ADAMTS4: variants seen among roughly 807,000 people sequenced by gnomAD.
ADAMTS4 encodes ADAM metallopeptidase with thrombospondin type 1 motif 4.
Under a neutral mutation model 66.7 loss-of-function variants are expected in ADAMTS4, and 38 were observed. The ratio of observed to expected loss-of-function variants is 0.57; its 90% CI spans 0.44 to 0.75. The LOEUF (loss-of-function observed/expected upper bound fraction) is 0.75. ADAMTS4 is among the 30% of genes least tolerant of loss of function. The pLI is 0.00. For missense variants in ADAMTS4, 1,014 were observed against 1,116.7 expected (o/e 0.91, Z 1.31); for synonymous variants, 418 against 461.5 (o/e 0.91, Z 1.21).
chr1:161,198,274 C>T lies in ADAMTS4; in HGVS notation c.354G>A (p.Leu118=), dbSNP rs1664947274. Residue 118 remains leucine, a synonymous_variant, in exon 1 of 9, where the codon CTG becomes CTA. Coordinates refer to ENST00000367996, the MANE Select transcript of ADAMTS4 (RefSeq NM_005099.6). This position sits in a 1 kb window ranked among gnomAD's most constrained non-coding sequence, Gnocchi z 4.7. ...AGGTGCCAGGCTCTGCTCCACCCAG[C>T]AGCTCAGGCGCCTGGCCCAGGTACT... ...TVQYLGQAPE[L]LGGAEPGTYL... The T allele has an allele frequency of 6.2e-7, 1 of 1,613,906 alleles. No individual in the cohort carries two copies. Among genetic ancestry groups the T allele is most frequent in the Non-Finnish European group, 8.5e-7 (1 of 1,180,020 alleles).
Position 161,187,614 on chromosome 1 carries a change from C to A in ADAMTS4, c.*3524G>T, listed in dbSNP as rs981835372. 3.3e-5 allele frequency: 5 copies of A among 152,298 alleles called. No homozygotes were observed. The highest frequency in any genetic ancestry group is 1.2e-4 in the African/African-American group (5 of 41,414). The allele number at this position is 152,298 out of a possible 1,614,324, so 9.4% of individuals were successfully genotyped here. On this transcript the variant is annotated 3_prime_UTR_variant, in exon 9 of 9. Transcript: ENST00000367996. ...AGAACTTGATTAGCAAAGCCCAGAT[C>A]CAGTAAGCATAGCACATATAACCAC...
rs1318329637 is a variant in ADAMTS4 at position 161,196,689 on chromosome 1, G to A, written c.825C>T (p.Gly275=). 1.9e-6 allele frequency: 3 copies of A among 1,613,980 alleles called. No homozygotes were observed. Among genetic ancestry groups the A allele is most frequent in the Non-Finnish European group, 2.5e-6 (3 of 1,179,986 alleles). Residue 275 remains glycine (G), a synonymous_variant, in exon 2 of 9, where the codon GGC becomes GGT. Transcript: ENST00000367996. ...TGGGCCCCACTTGGGGCCCCTCCTC[G>A]CCTGACCCCAGGATCACTAGCCGAG... ...VVTRLVILGS[G]EEGPQVGPSA... is the part of the protein sequence containing the mutation.
chr1:161,193,113 G>A lies in ADAMTS4; in HGVS notation c.1911+100C>T, dbSNP rs1384143142. On this transcript the variant is annotated intron_variant, in intron 7 of 8. Coordinates refer to ENST00000367996, the MANE Select transcript of ADAMTS4 (RefSeq NM_005099.6). The surrounding 1 kb of genome is among the most constrained non-coding windows in gnomAD (Gnocchi z 4.4). ...CTGGACTGGGCTGGCGTGGCTGTAG[G>A]AACAGGGTTACTTTGGGTGATCTTT... The A allele has an allele frequency of 7.3e-7, 1 of 1,361,402 alleles. No individual in the cohort carries two copies. Among genetic ancestry groups the A allele is most frequent in the South Asian group, 1.4e-5 (1 of 69,586 alleles). The allele number at this position is 1,361,402 out of a possible 1,614,324, so 84.3% of individuals were successfully genotyped here. A position where few individuals can be genotyped will look rare whatever the true frequency, so the allele number is the denominator to read the frequency against.
Position 161,192,170 on chromosome 1 carries a change from C to T in ADAMTS4, c.1982G>A (p.Gly661Asp). The change falls in exon 8 of 9, where the codon GGC becomes GAC. Residue 661 changes from glycine (G) to aspartate (D), a missense_variant. Gly to Asp is a moderately conservative substitution (Grantham distance 94, BLOSUM62 -1). Transcript: ENST00000367996. ...CTTGGAGCCAATGATGCGATCACAG[C>T]CAGCATGGATGCATCGGCCCTGGAC... Reference protein sequence around the residue: ...VCVQGRCIHAGCDRIIGSKKK... With the variant: ...VCVQGRCIHADCDRIIGSKKK... 6.2e-7 allele frequency: 1 copy of T among 1,614,132 alleles called. No homozygotes were observed. Among genetic ancestry groups the T allele is most frequent in the Non-Finnish European group, 8.5e-7 (1 of 1,180,032 alleles).
At position 161,188,908 on chromosome 1, in the gene ADAMTS4, A is replaced by ATATATATATATATATATT. The variant is rs1169469545; in HGVS notation, c.*2229_*2230insAATATATATATATATATA. On this transcript the variant is annotated 3_prime_UTR_variant, in exon 9 of 9. Transcript: ENST00000367996. The stretch of plus-strand genomic sequence containing the variant: ...AATATATATATATATATATATATAT[A>ATATATATATATATATATT]TTTTGTATTTTTAGTAGACACGGGG... 1 of 131,878 alleles carries ATATATATATATATATATT rather than the reference A, an allele frequency of 7.6e-6. No homozygotes were observed. The highest frequency in any genetic ancestry group is 1.6e-5 in the Non-Finnish European group (1 of 62,852). 8.2% of individuals were successfully genotyped at this position (131,878 alleles called of 1,614,324 possible).
chr1:161,198,671 A>G lies in ADAMTS4; in HGVS notation c.-44T>C. 1 of 1,442,708 alleles carries G rather than the reference A, an allele frequency of 6.9e-7. No individual in the cohort carries two copies. Among genetic ancestry groups the G allele is most frequent in the Non-Finnish European group, 9.2e-7 (1 of 1,090,734 alleles). 89.4% of individuals were successfully genotyped at this position (1,442,708 alleles called of 1,614,324 possible). A position where few individuals can be genotyped will look rare whatever the true frequency, so the allele number is the denominator to read the frequency against. Reference sequence around the variant, plus strand: ...GGGAGGGACTGAGGCCGTCTAGGGCACCAAGTCCTCCACACCCTAGCTTTG... The same window carrying G: ...GGGAGGGACTGAGGCCGTCTAGGGCGCCAAGTCCTCCACACCCTAGCTTTG... On this transcript the variant is annotated 5_prime_UTR_variant, in exon 1 of 9. Coordinates refer to ENST00000367996, the MANE Select transcript of ADAMTS4 (RefSeq NM_005099.6). This position sits in a 1 kb window ranked among gnomAD's most constrained non-coding sequence, Gnocchi z 4.7.
In ADAMTS4 at chr1:161,188,231, C is replaced by CTTTTTTTTT. The variant is rs34044235; in HGVS notation, c.*2898_*2906dup. ...CAGGTGTGAGCCACCATGCCTGGCC[C>CTTTTTTTTT]TTTTTTTTTTTTTTTTTTTTTTTTT... On this transcript the variant is annotated 3_prime_UTR_variant, in exon 9 of 9. Transcript: ENST00000367996. 2 of 58,710 alleles carry CTTTTTTTTT rather than the reference C, an allele frequency of 3.4e-5. No individual in the cohort carries two copies. The highest frequency in any genetic ancestry group is 6.3e-5 in the Non-Finnish European group (2 of 31,626). The allele number at this position is 58,710 out of a possible 1,614,324, so 3.6% of individuals were successfully genotyped here.
chr1:161,193,887 T>C lies in ADAMTS4; in HGVS notation c.1548+48A>G. 6.4e-7 allele frequency: 1 copy of C among 1,563,360 alleles called. No homozygotes were observed. Among genetic ancestry groups the C allele is most frequent in the Non-Finnish European group, 8.7e-7 (1 of 1,152,266 alleles). ...AACTCTCTCCTGGGCTTAAGGCCAG[T>C]CCCCACACCCCCGGGCCCTTTACCC... is the stretch of plus-strand genomic sequence containing the variant. On this transcript the variant is annotated intron_variant, in intron 5 of 8. Coordinates refer to ENST00000367996, the MANE Select transcript of ADAMTS4 (RefSeq NM_005099.6). The surrounding 1 kb of genome is among the most constrained non-coding windows in gnomAD (Gnocchi z 4.4).
Position 161,195,158 on chromosome 1 carries a change from C to T in ADAMTS4, c.1261+307G>A, listed in dbSNP as rs563261496. 2.0e-5 allele frequency among the ~76,000 whole-genome samples: 3 copies of T among 152,342 alleles called. No individual in the cohort carries two copies. In the South Asian group the frequency reaches 6.2e-4, roughly 32 times the overall value. On this transcript the variant is annotated intron_variant, in intron 4 of 8. Transcript: ENST00000367996. ...GCAGTCATCCTGCTATTCTTGCATA[C>T]CTCACTGCGTGACAAGGTAATCACC...
chr1:161,196,890 A>C lies in ADAMTS4; in HGVS notation c.634-10T>G. ...TCAGTGAAGCAAAGCGCTGTAGAGA[A>C]AAAGGGAGAGGAAGATCCTGAAATA... On this transcript the variant is annotated splice_polypyrimidine_tract_variant and intron_variant, in intron 1 of 8. Transcript: ENST00000367996. The C allele has an allele frequency of 6.3e-7, 1 of 1,577,974 alleles. No homozygotes were observed. The highest frequency in any genetic ancestry group is 8.6e-7 in the Non-Finnish European group (1 of 1,165,468).
In ADAMTS4 at chr1:161,189,790, C is replaced by T. The variant is rs1305301013; in HGVS notation, c.*1348G>A. On this transcript the variant is annotated 3_prime_UTR_variant, in exon 9 of 9. Coordinates refer to ENST00000367996, the MANE Select transcript of ADAMTS4 (RefSeq NM_005099.6). ...CTTTATTTACATTATTTAATCCTCA[C>T]AACAAACTTCTAAGGGAGGTATTAT... 2 of 152,170 alleles carry T rather than the reference C, an allele frequency of 1.3e-5. No individual in the cohort carries two copies. Among genetic ancestry groups the T allele is most frequent in the South Asian group, 2.1e-4 (1 of 4,832 alleles). 9.4% of individuals were successfully genotyped at this position (152,170 alleles called of 1,614,324 possible).
At position 161,196,681 on chromosome 1, in the gene ADAMTS4, C is replaced by T. The variant is rs1664854477; in HGVS notation, c.833G>A (p.Gly278Glu). 3 of 1,613,834 alleles carry T rather than the reference C, an allele frequency of 1.9e-6. No homozygotes were observed. Among genetic ancestry groups the T allele is most frequent in the Admixed American group, 1.7e-5 (1 of 59,984 alleles). Residue 278 changes from glycine (G) to glutamate (E), a missense_variant, in exon 2 of 9, where the codon GGG (glycine) becomes GAG (glutamate). Gly to Glu is a moderately conservative substitution (Grantham distance 98). Coordinates refer to ENST00000367996, the MANE Select transcript of ADAMTS4 (RefSeq NM_005099.6). ...RLVILGSGEE[G>E]PQVGPSAAQT... Reference sequence around the variant, plus strand: ...GGCAGCACTGGGCCCCACTTGGGGCCCCTCCTCGCCTGACCCCAGGATCAC... The same window carrying T: ...GGCAGCACTGGGCCCCACTTGGGGCTCCTCCTCGCCTGACCCCAGGATCAC...
intron 3 of ADAMTS4, 49 bp downstream of exon 3, chr1:161,196,122 T>A: frequency 4.0e-5 from 52 of 1,314,838 alleles, no homozygotes; most frequent in Non-Finnish European, 4.9e-5. Flanking sequence ...TGCTACCCCC[T>A]CCCCCACCTT....
At position 161,193,209 on chromosome 1, in the gene ADAMTS4, T is replaced by C; in HGVS notation, c.1911+4A>G. On this transcript the variant is annotated splice_donor_region_variant and intron_variant, in intron 7 of 8. Transcript: ENST00000367996. The surrounding 1 kb of genome is among the most constrained non-coding windows in gnomAD (Gnocchi z 4.4). ...ACAGGGCCTGGGGGTGTCCTGACCC[T>C]CACCCGTGGCTCCAGCACATAGTAG... 6.2e-7 allele frequency: 1 copy of C among 1,611,336 alleles called. No homozygotes were observed. The highest frequency in any genetic ancestry group is 8.5e-7 in the Non-Finnish European group (1 of 1,178,546).
At position 161,192,098 on chromosome 1, in the gene ADAMTS4, C is replaced by A; in HGVS notation, c.2054G>T (p.Cys685Phe). ...CCTGAAGGAGCCTGACTGCTTGCTGCAACCAGAACCGTCCCCTCCGCACAC... is the reference window on the plus strand; with the variant it reads ...CCTGAAGGAGCCTGACTGCTTGCTGAAACCAGAACCGTCCCCTCCGCACAC... ...CMVCGGDGSGCSKQSGSFRKF... is the reference protein window; with the variant it reads ...CMVCGGDGSGFSKQSGSFRKF... The change falls in exon 8 of 9, where the codon TGC (cysteine) becomes TTC (phenylalanine). Residue 685 changes from cysteine (C) to phenylalanine (F), a missense_variant. Physicochemically the swap from Cys to Phe is radical, Grantham distance 205. Coordinates refer to ENST00000367996, the MANE Select transcript of ADAMTS4 (RefSeq NM_005099.6). The A allele has an allele frequency of 1.2e-6, 2 of 1,614,076 alleles. No individual in the cohort carries two copies. Among genetic ancestry groups the A allele is most frequent in the Non-Finnish European group, 1.7e-6 (2 of 1,180,008 alleles).
chr1:161,195,941 A>G (rs1434641060), intron 3 of ADAMTS4: 3 of 537,046 alleles, frequency 5.6e-6, no homozygotes, highest in Non-Finnish European at 9.6e-6. Flanking sequence ...ACAGACACAC[A>G]CACACACACA....
intron 4 of ADAMTS4, 75 bp downstream of exon 4, chr1:161,195,390 T>C: frequency 2.0e-6 from 3 of 1,477,038 alleles, no homozygotes; most frequent in Non-Finnish European, 2.7e-6. Flanking sequence ...CCATGCAGAA[T>C]GCAGCGGAAG....
At chr1:161,197,503 CCT>C (rs1664896450) in intron 1 of ADAMTS4, 2 of 160,134 alleles carry the variant, frequency 1.2e-5, no homozygotes, top group Non-Finnish European at 2.7e-5. Context: ...GGATACCCTC[CCT>C]CTCTTGCCAC....
chr1:161,196,078 T>C lies in ADAMTS4; in HGVS notation c.1090+93A>G, dbSNP rs1018406637. 13 of 1,453,824 alleles carry C rather than the reference T, an allele frequency of 8.9e-6. No homozygotes were observed. The African/African-American group carries it at 1.8e-4, about 21-fold the overall frequency. 90.1% of individuals were successfully genotyped at this position (1,453,824 alleles called of 1,614,324 possible). On this transcript the variant is annotated intron_variant, in intron 3 of 8. Transcript: ENST00000367996. The stretch of plus-strand genomic sequence containing the variant: ...CCTATACCTAGGCCTGGGGGAAGAA[T>C]ACCTTGGGACCCCCATTAACACTGT...
Sources: allele counts gnomAD v4.1 joint callset (sites outside exome capture counted in the v4.1 genomes callset), GRCh38; gene constraint gnomAD v4.1.1; non-coding constraint Gnocchi (gnomAD v3.1); transcripts MANE v1.5; gene names NCBI Gene and HGNC (gene_info 2026-07-23, HGNC 2026-07-21).